USP44: variants seen among roughly 807,000 people sequenced by gnomAD.
USP44 encodes the protein ubiquitin carboxyl-terminal hydrolase 44.
A neutral mutation model predicts 69.0 loss-of-function variants in USP44; 61 were observed. The ratio of observed to expected loss-of-function variants is 0.88; its 90% CI spans 0.72 to 1.09. The LOEUF is 1.09. USP44 is among the 50% of genes least tolerant of loss of function. The probability of loss-of-function intolerance (pLI) is 0.00; values close to 1 mark genes in which losing one functional copy is unlikely to be tolerated. For synonymous variants in USP44, 297 were observed against 295.4 expected, an observed-to-expected ratio of 1.01 and a Z score of -0.06; for missense variants, 753 against 849.9, an observed-to-expected ratio of 0.89 and a Z score of 1.42.
Position 95,536,870 on chromosome 12 carries a change from C to T in USP44, c.-70-2544G>A, listed in dbSNP as rs12313591. On this transcript the variant is annotated intron_variant, in intron 1 of 5. Transcript: ENST00000258499. Reference sequence around the variant, plus strand: ...CCAAGGGCATGTGGCCACCTGAAGTCTGCACACACCAGCAACTCCCCTTCT... The same window carrying T: ...CCAAGGGCATGTGGCCACCTGAAGTTTGCACACACCAGCAACTCCCCTTCT... Among the ~76,000 whole-genome samples, 336 of 152,318 alleles carry T rather than the reference C, an allele frequency of 2.2e-3. 1 individual carries two copies. Among genetic ancestry groups the T allele is most frequent in the African/African-American group, 7.7e-3 (319 of 41,570 alleles).
At chr12:95,551,032 A>G (rs2077714837) in intron 1 of USP44, among the ~76,000 whole-genome samples, 1 of 152,096 alleles carries the variant, frequency 6.6e-6, no homozygotes, top group African/African-American at 2.4e-5. Context: ...CATTTTATTC[A>G]TGATCTTCAC....
upstream of USP44, chr12:95,551,649 T>A (rs1431812344): frequency 6.6e-6 from 1 of 152,194 alleles, no homozygotes; most frequent in East Asian, 1.9e-4. Flanking sequence ...TCTCCACAGT[T>A]CCTAGTACCG....
At chr12:95,541,135 C>T (rs547504838) in intron 1 of USP44, among the ~76,000 whole-genome samples, 3 of 152,146 alleles carry the variant, frequency 2.0e-5, no homozygotes, top group East Asian at 1.9e-4. Context: ...AAAAATTAGC[C>T]GGGCATGGTG....
chr12:95,532,659 AAAG>A (rs1163781643), intron 2 of USP44, among the ~76,000 whole-genome samples, 167 bp downstream of exon 2: 1 of 152,168 alleles, frequency 6.6e-6, no homozygotes, highest in Non-Finnish European at 1.5e-5. Flanking sequence ...ATGATTCATG[AAAG>A]AAGGAATTGA....
At position 95,550,035 on chromosome 12, in the gene USP44, C is replaced by G. The variant is rs1219720010; in HGVS notation, c.-71+1237G>C. 3.3e-5 allele frequency among the ~76,000 whole-genome samples: 5 copies of G among 151,860 alleles called. No individual in the cohort carries two copies. In the South Asian group the frequency reaches 1.0e-3, roughly 32 times the overall value. ...CTCTACTAAAAATACAAAAATTATC[C>G]GGGCCTGGTGGCGGGCACCTGTAAT... is the stretch of plus-strand genomic sequence containing the variant. On this transcript the variant is annotated intron_variant, in intron 1 of 5. Transcript: ENST00000258499.
intron 5 of USP44, among the ~76,000 whole-genome samples, chr12:95,519,887 A>G (rs552433216): frequency 1.3e-5 from 2 of 151,248 alleles, no homozygotes; most frequent in South Asian, 2.1e-4. Context: ...TAAAAATACA[A>G]AAATTAGCCA....
rs2077064471 is a variant in USP44, at chr12:95,532,847, A to G, written c.1410T>C (p.His470=). ...QVLNVVNNIF[H]GQLLSQVTCL... Reference sequence around the variant, plus strand: ...TCCATACCTGACTAAGAAGTTGTCCATGAAAAATGTTATTTACAACATTCA... The same window carrying G: ...TCCATACCTGACTAAGAAGTTGTCCGTGAAAAATGTTATTTACAACATTCA... Residue 470 remains histidine, a synonymous_variant, in exon 2 of 6, where the codon CAT becomes CAC. Transcript: ENST00000258499. The G allele has an allele frequency of 1.9e-6, 3 of 1,585,400 alleles. No homozygotes were observed. Among genetic ancestry groups the G allele is most frequent in the Non-Finnish European group, 2.6e-6 (3 of 1,168,756 alleles).
intron 1 of USP44, among the ~76,000 whole-genome samples, chr12:95,544,021 G>A (rs1592747708): frequency 2.2e-5 from 3 of 133,936 alleles, no homozygotes; most frequent in African/African-American, 5.5e-5. Context: ...AAAAACAAAC[G>A]GACATTCCAC....
chr12:95,517,055 A>C lies in USP44; in HGVS notation c.*1099T>G. 1 of 149,268 alleles carries C rather than the reference A, an allele frequency of 6.7e-6. No individual in the cohort carries two copies. Among genetic ancestry groups the C allele is most frequent in the African/African-American group, 2.5e-5 (1 of 39,454 alleles). 9.2% of individuals were successfully genotyped at this position (149,268 alleles called of 1,614,324 possible). A position where few individuals can be genotyped will look rare whatever the true frequency, so the allele number is the denominator to read the frequency against. ...CAGAAGAAGAAAAAGAGTGACTCAC[A>C]CTGTATTTTTTTTTGTGCAAGTTTA... On this transcript the variant is annotated 3_prime_UTR_variant, in exon 6 of 6. Transcript: ENST00000258499.
In USP44 at chr12:95,524,853, AC is replaced by A. The variant is rs1313526184; in HGVS notation, c.1625-66del. 7 of 1,395,848 alleles carry A rather than the reference AC, an allele frequency of 5.0e-6. No homozygotes were observed. The African/African-American group carries it at 8.7e-5, about 17-fold the overall frequency. The allele number at this position is 1,395,848 out of a possible 1,614,324, so 86.5% of individuals were successfully genotyped here. A position where few individuals can be genotyped will look rare whatever the true frequency, so the allele number is the denominator to read the frequency against. On this transcript the variant is annotated intron_variant, in intron 3 of 5. Coordinates refer to ENST00000258499, the MANE Select transcript of USP44 (RefSeq NM_032147.5). ...AAAGATTCAGGGAAAAGCTGAGTGA[AC>A]CTTCTTTTTAATTAAGTCAGAAATG...
At chr12:95,535,227 T>C (rs1301512754) in intron 1 of USP44, 3 of 152,242 alleles carry the variant, frequency 2.0e-5, no homozygotes, top group African/African-American at 7.2e-5. Flanking sequence ...AATTGAGTTG[T>C]TGAAGAACTG....
At chr12:95,526,906 C>CT (rs901246926) in intron 3 of USP44, among the ~76,000 whole-genome samples, 3 of 151,742 alleles carry the variant, frequency 2.0e-5, no homozygotes, top group South Asian at 4.2e-4. Context: ...ATATCTTATT[C>CT]TTTTTTTTAA....
Position 95,521,195 on chromosome 12 carries a change from C to T in USP44, c.1741G>A (p.Gly581Arg), listed in dbSNP as rs755751377. Residue 581 changes from glycine (G) to arginine (R), a missense_variant, in exon 5 of 6, where the codon GGA becomes AGA. Physicochemically the swap from Gly to Arg is moderately radical, Grantham distance 125. Transcript: ENST00000258499. ...CCAATCTTCTCTCGGTTATTACGTCCTGACCACCTGTGAACAAACCAGTGT... is the reference window on the plus strand; with the variant it reads ...CCAATCTTCTCTCGGTTATTACGTCTTGACCACCTGTGAACAAACCAGTGT... The part of the protein sequence containing the change: ...RLHLKRFRWS[G>R]RNNREKIGVH... 2 of 1,614,172 alleles carry T rather than the reference C, an allele frequency of 1.2e-6. No homozygotes were observed. The highest frequency in any genetic ancestry group is 1.7e-6 in the Non-Finnish European group (2 of 1,180,032).
intron 2 of USP44, among the ~76,000 whole-genome samples, chr12:95,531,998 A>G (rs1297133970): frequency 2.6e-5 from 4 of 152,116 alleles, no homozygotes; most frequent in African/African-American, 9.7e-5. Flanking sequence ...ATAAAGGAAA[A>G]TCATATAAGA....
At chr12:95,540,933 G>T (rs961248223) in intron 1 of USP44, among the ~76,000 whole-genome samples, 2 of 152,024 alleles carry the variant, frequency 1.3e-5, no homozygotes, top group Admixed American at 6.6e-5. Flanking sequence ...CACAAAAATT[G>T]GGAGAGGAAA....
At chr12:95,523,313 T>C (rs2140228185) in intron 4 of USP44, among the ~76,000 whole-genome samples, 1 of 152,304 alleles carries the variant, frequency 6.6e-6, no homozygotes, top group East Asian at 1.9e-4. Flanking sequence ...AACCTGGAGT[T>C]ATGACTGGGG....
Position 95,533,211 on chromosome 12 carries a change from T to C in USP44, c.1046A>G (p.Gln349Arg), listed in dbSNP as rs779042454. 6.2e-7 allele frequency: 1 copy of C among 1,614,158 alleles called. No individual in the cohort carries two copies. The highest frequency in any genetic ancestry group is 8.5e-7 in the Non-Finnish European group (1 of 1,179,998). Residue 349 changes from glutamine to arginine, a missense_variant, in exon 2 of 6, where the codon CAA (glutamine) becomes CGA (arginine). Gln to Arg is a conservative substitution (Grantham distance 43). Coordinates refer to ENST00000258499, the MANE Select transcript of USP44 (RefSeq NM_032147.5). ...EKDTGFVCSR[Q>R]SSLSSGLSGG... ...ACTTAGTCCTGATGACAGACTTGAT[T>C]GTCTGGAGCAAACAAAACCTGTATC...
rs775776373 is a variant in USP44 at position 95,545,299 on chromosome 12, G to GA, written c.-71+5972dup. On this transcript the variant is annotated intron_variant, in intron 1 of 5. Transcript: ENST00000258499. ...TAACCATCTCATTAAAAACAAAAAC[G>GA]AAAAAAAAAAAACTTGAAATCTCCC... Among the ~76,000 whole-genome samples the GA allele has an allele frequency of 6.0e-3, 820 of 136,956 alleles. 15 individuals carry two copies. Among genetic ancestry groups the GA allele is most frequent in the East Asian group, 0.043 (206 of 4,818 alleles). 89.8% of individuals were successfully genotyped at this position (136,956 alleles called of 152,430 possible). A position where few individuals can be genotyped will look rare whatever the true frequency, so the allele number is the denominator to read the frequency against.
rs2076541628 is a variant in USP44, at chr12:95,518,313, G to T, written c.1980C>A (p.Cys660Ter). 1.2e-6 allele frequency: 2 copies of T among 1,614,048 alleles called. No individual in the cohort carries two copies. The highest frequency in any genetic ancestry group is 1.7e-6 in the Non-Finnish European group (2 of 1,180,048). Reference sequence around the variant, plus strand: ...GAGCCTTGCATACTTCATCCATAGTGCACATGCTTAGTTTGGAATCATTGC... The same window carrying T: ...GAGCCTTGCATACTTCATCCATAGTTCACATGCTTAGTTTGGAATCATTGC... Reference protein sequence around the residue: ...VHCNDSKLSMCTMDEVCKAQA... With the variant: ...VHCNDSKLSM Residue 660 changes from cysteine to a stop codon, truncating the protein, a stop_gained, in exon 6 of 6, where the codon TGC becomes TGA. Transcript: ENST00000258499. LOFTEE classifies it high-confidence loss of function.
Sources: allele counts gnomAD v4.1 joint callset (sites outside exome capture counted in the v4.1 genomes callset), GRCh38; gene constraint gnomAD v4.1.1; transcripts MANE v1.5; gene names NCBI Gene and HGNC (gene_info 2026-07-23, HGNC 2026-07-21).